The following ALG11 variants were observed in gnomAD, a reference collection of about 807,000 sequenced individuals.
ALG11 encodes GDP-Man:Man(3)GlcNAc(2)-PP-Dol alpha-1,2-mannosyltransferase.
In ALG11, 26 loss-of-function variants were observed where a neutral mutation model predicts 38.8. That is an observed-to-expected ratio of 0.67 (90% confidence interval 0.49 to 0.93). The LOEUF is 0.93. Ranked by LOEUF, ALG11 falls within the 40% of genes least tolerant of loss-of-function variation. The pLI is 0.00. For missense variants in ALG11, 535 were observed against 578.8 expected, an observed-to-expected ratio of 0.92 and a Z score of 0.78; for synonymous variants, 199 against 211.6, an observed-to-expected ratio of 0.94 and a Z score of 0.52.
chr13:52,023,529 CAG>C (rs1954204881), intron 2 of ALG11: 1 of 147,544 alleles, frequency 6.8e-6, no homozygotes, highest in Non-Finnish European at 1.5e-5. Flanking sequence ...ACCCGGGAGG[CAG>C]AGATTGTCAG....
chr13:52,012,465 G>A lies in ALG11; in HGVS notation c.44+3G>A. 6.2e-7 allele frequency: 1 copy of A among 1,614,166 alleles called. No homozygotes were observed. The highest frequency in any genetic ancestry group is 8.5e-7 in the Non-Finnish European group (1 of 1,180,042). ...TGGTGCCTGTGCAAGTTGTTGAGGT[G>A]AGCAGCCGGTCGTGTGGGCTCACAG... is the stretch of plus-strand genomic sequence containing the variant. On this transcript the variant is annotated splice_donor_region_variant and intron_variant, in intron 1 of 3. Coordinates refer to ENST00000521508, the MANE Select transcript of ALG11 (RefSeq NM_001004127.3).
intron 1 of ALG11, among the ~76,000 whole-genome samples, chr13:52,013,756 A>G (rs1954109912): frequency 6.6e-6 from 1 of 152,210 alleles, no homozygotes; most frequent in Non-Finnish European, 1.5e-5. Flanking sequence ...AAATCTTACC[A>G]CTTTTGTCAG....
rs376118160 is a variant in ALG11 at position 52,024,630 on chromosome 13, A to T, written c.900A>T (p.Gly300=). The change falls in exon 3 of 4, where the codon GGA becomes GGT. Residue 300 remains glycine, a synonymous_variant. Coordinates refer to ENST00000521508, the MANE Select transcript of ALG11 (RefSeq NM_001004127.3). ...IPLHEKKMTP[G]HLLVSVGQFR... is the part of the protein sequence containing the mutation. The stretch of plus-strand genomic sequence containing the variant: ...TACATGAGAAAAAGATGACCCCAGG[A>T]CATTTGCTGGTTTCTGTTGGCCAGT... 5 of 1,613,892 alleles carry T rather than the reference A, an allele frequency of 3.1e-6. No homozygotes were observed. Among genetic ancestry groups the T allele is most frequent in the East Asian group, 2.2e-5 (1 of 44,880 alleles).
chr13:52,019,106 A>AC lies in ALG11; in HGVS notation c.238_239insC (p.Arg80ThrfsTer16). On this transcript the variant is annotated frameshift_variant, in exon 2 of 4. Coordinates refer to ENST00000521508, the MANE Select transcript of ALG11 (RefSeq NM_001004127.3). LOFTEE classifies it high-confidence loss of function. ...CTGCAATGCTGGTGGAGGAGGAGAA[A>AC]GAGTTTTATGGTGTGCTTTAAGAGC... 6.2e-7 allele frequency: 1 copy of AC among 1,614,078 alleles called. No individual in the cohort carries two copies.
Position 52,032,227 on chromosome 13 carries a change from GAAAAA to G in ALG11, c.*3640_*3644del, listed in dbSNP as rs1002006731. The G allele has an allele frequency of 1.9e-5, 3 of 160,702 alleles. No homozygotes were observed. The highest frequency in any genetic ancestry group is 7.3e-5 in the African/African-American group (3 of 41,254). The allele number at this position is 160,702 out of a possible 1,614,324, so 10.0% of individuals were successfully genotyped here. On this transcript the variant is annotated 3_prime_UTR_variant, in exon 4 of 4. Transcript: ENST00000521508. ...ATAAGCAAAACTCCATCTCAAAAAAGAAAAAAAGGAAAAAGAAAATTATGAGAGTT... is the reference window on the plus strand; with the variant it reads ...ATAAGCAAAACTCCATCTCAAAAAAGAAGGAAAAAGAAAATTATGAGAGTT...
Position 52,028,902 on chromosome 13 carries a change from A to AG in ALG11, c.*317dup. ...TACCCCTTGAGTGAAAATGAAGATGAGGGGGACAGTGATGGAGAGAGAAAG... is the reference window on the plus strand; with the variant it reads ...TACCCCTTGAGTGAAAATGAAGATGAGGGGGGACAGTGATGGAGAGAGAAAG... On this transcript the variant is annotated 3_prime_UTR_variant, in exon 4 of 4. Coordinates refer to ENST00000521508, the MANE Select transcript of ALG11 (RefSeq NM_001004127.3). 1 of 1,614,226 alleles carries AG rather than the reference A, an allele frequency of 6.2e-7. No individual in the cohort carries two copies. Among genetic ancestry groups the AG allele is most frequent in the Non-Finnish European group, 8.5e-7 (1 of 1,180,044 alleles).
intron 1 of ALG11, among the ~76,000 whole-genome samples, chr13:52,015,148 A>G (rs1257008078): frequency 1.3e-5 from 2 of 152,230 alleles, no homozygotes; most frequent in African/African-American, 4.8e-5. Context: ...CATGCCTGTA[A>G]TCTCAATGCT....
At chr13:52,019,803 C>T (rs986738667) in intron 2 of ALG11, among the ~76,000 whole-genome samples, 4 of 152,006 alleles carry the variant, frequency 2.6e-5, no homozygotes, top group East Asian at 1.9e-4. Flanking sequence ...CATGGTGATG[C>T]GCACCAGCTT....
Position 52,024,295 on chromosome 13 carries a change from G to T in ALG11, c.565G>T (p.Gly189Trp). 1 of 1,614,094 alleles carries T rather than the reference G, an allele frequency of 6.2e-7. No homozygotes were observed. The highest frequency in any genetic ancestry group is 1.1e-5 in the South Asian group (1 of 91,082). The change falls in exon 3 of 4, where the codon GGG becomes TGG. Residue 189 changes from glycine (G) to tryptophan (W), a missense_variant. Transcript: ENST00000521508. ...AFTLPLFKYI[G>W]GCQVGSYVHY... Reference sequence around the variant, plus strand: ...TACGCTTCCTCTGTTTAAGTATATAGGGGGTTGCCAAGTTGGAAGCTATGT... The same window carrying T: ...TACGCTTCCTCTGTTTAAGTATATATGGGGTTGCCAAGTTGGAAGCTATGT...
rs1335242257 is a variant in ALG11, at chr13:52,032,418, G to A, written c.*3828G>A. The stretch of plus-strand genomic sequence containing the variant: ...AACTAGCATGGAAAAGTGAATATAT[G>A]TGTGAGCAGATATGGCTATAAAGAC... On this transcript the variant is annotated 3_prime_UTR_variant, in exon 4 of 4. Coordinates refer to ENST00000521508, the MANE Select transcript of ALG11 (RefSeq NM_001004127.3). 1 of 167,090 alleles carries A rather than the reference G, an allele frequency of 6.0e-6. No individual in the cohort carries two copies. The highest frequency in any genetic ancestry group is 1.5e-5 in the Non-Finnish European group (1 of 68,118). 10.4% of individuals were successfully genotyped at this position (167,090 alleles called of 1,614,324 possible).
At chr13:52,022,639 C>G (rs1484164215) in intron 2 of ALG11, 4 of 151,394 alleles carry the variant, frequency 2.6e-5, no homozygotes, top group Non-Finnish European at 5.9e-5. Flanking sequence ...GATAAAGACT[C>G]TCTCTCATCT....
chr13:52,026,697 C>T (rs918429434), intron 3 of ALG11, among the ~76,000 whole-genome samples: 2 of 152,150 alleles, frequency 1.3e-5, no homozygotes. Flanking sequence ...AGGGGAAATC[C>T]AAGAGCAAAT....
At chr13:52,025,667 A>G (rs372706910) in intron 3 of ALG11, among the ~76,000 whole-genome samples, 3 of 152,206 alleles carry the variant, frequency 2.0e-5, no homozygotes, top group East Asian at 3.8e-4. Context: ...ACAAACTGCT[A>G]TCTCTATTCT....
chr13:52,031,261 A>G lies in ALG11; in HGVS notation c.*2671A>G. ...AAAGAAAATGGATGACCATTAATTG[A>G]CTAGCATTTTAGAATTGATCAGACA... is the stretch of plus-strand genomic sequence containing the variant. On this transcript the variant is annotated 3_prime_UTR_variant, in exon 4 of 4. Transcript: ENST00000521508. 1 of 1,128,366 alleles carries G rather than the reference A, an allele frequency of 8.9e-7. No homozygotes were observed. Among genetic ancestry groups the G allele is most frequent in the Non-Finnish European group, 1.2e-6 (1 of 811,956 alleles). The allele number at this position is 1,128,366 out of a possible 1,614,324, so 69.9% of individuals were successfully genotyped here. A position where few individuals can be genotyped will look rare whatever the true frequency, so the allele number is the denominator to read the frequency against.
At chr13:52,018,807 C>G (rs1954157612) in intron 1 of ALG11, 106 bp from the exon 2 acceptor site, 5 of 922,750 alleles carry the variant, frequency 5.4e-6, no homozygotes, top group Non-Finnish European at 5.1e-6. Context: ...AGACAATTCT[C>G]TCTTTGTTAC....
In ALG11 at chr13:52,015,034, T is replaced by C. The variant is rs571780436; in HGVS notation, c.44+2572T>C. ...AATCCCACATGAGATTTGTTCACAA[T>C]AGGAACAAATGAGGATTTGTTCACA... is the stretch of plus-strand genomic sequence containing the variant. On this transcript the variant is annotated intron_variant, in intron 1 of 3. Coordinates refer to ENST00000521508, the MANE Select transcript of ALG11 (RefSeq NM_001004127.3). Among the ~76,000 whole-genome samples, 4 of 152,234 alleles carry C rather than the reference T, an allele frequency of 2.6e-5. No homozygotes were observed. In the East Asian group the frequency reaches 7.7e-4, roughly 29 times the overall value.
Position 52,030,535 on chromosome 13 carries a change from A to C in ALG11, c.*1945A>C. 6.2e-7 allele frequency: 1 copy of C among 1,614,162 alleles called. No individual in the cohort carries two copies. The highest frequency in any genetic ancestry group is 1.1e-5 in the South Asian group (1 of 91,078). On this transcript the variant is annotated 3_prime_UTR_variant, in exon 4 of 4. Transcript: ENST00000521508. ...CCGTGAGGTCTTTGGCAGTTCCCAC[A>C]ATAATAGAGGAGCTGGAAGATGAAG... is the stretch of plus-strand genomic sequence containing the variant.
chr13:52,030,876 A>G lies in ALG11; in HGVS notation c.*2286A>G, dbSNP rs144069648. ...GTGCTTCCATATCCATTTACCCACC[A>G]TCGGCAATTTGAAAGGACCATCCAG... On this transcript the variant is annotated 3_prime_UTR_variant, in exon 4 of 4. Transcript: ENST00000521508. 11 of 1,614,174 alleles carry G rather than the reference A, an allele frequency of 6.8e-6. No homozygotes were observed. The African/African-American group carries it at 8.0e-5, about 12-fold the overall frequency.
intron 3 of ALG11, among the ~76,000 whole-genome samples, chr13:52,025,843 T>C (rs1250004864): frequency 2.6e-5 from 4 of 152,256 alleles, no homozygotes; most frequent in Non-Finnish European, 4.4e-5. Flanking sequence ...ATTTCTCTTA[T>C]ACTCTTTTTA....
Sources: gnomAD v4.1 joint callset for allele counts (sites outside exome capture counted in the v4.1 genomes callset) on GRCh38, gnomAD v4.1.1 for gene constraint, MANE v1.5 for transcripts, NCBI Gene and HGNC (gene_info 2026-07-23, HGNC 2026-07-21) for gene names.